Variants in RAB6A observed in about 807,000 individuals in gnomAD.
RAB6A encodes ras-related protein Rab-6A.
RAB6A carries 8 observed loss-of-function variants against 32.3 expected under a neutral mutation model. The ratio of observed to expected loss-of-function variants is 0.25; its 90% CI spans 0.15 to 0.45. RAB6A has a LOEUF of 0.45. RAB6A is among the 20% of genes least tolerant of loss of function. The pLI is 1.00. For missense variants in RAB6A, 104 were observed against 249.4 expected, an observed-to-expected ratio of 0.42 and a Z score of 3.93; for synonymous variants, 73 against 82.1, an observed-to-expected ratio of 0.89 and a Z score of 0.60.
chr11:73,753,845 C>G (rs943548476), intron 1 of RAB6A, among the ~76,000 whole-genome samples: 2 of 152,196 alleles, frequency 1.3e-5, no homozygotes, highest in Non-Finnish European at 2.9e-5. Context: ...TGGCACTCAT[C>G]ATGCTATATT....
intron 6 of RAB6A, among the ~76,000 whole-genome samples, chr11:73,680,989 A>AT (rs1204446192): frequency 6.6e-6 from 1 of 152,218 alleles, no homozygotes; most frequent in East Asian, 1.9e-4. Flanking sequence ...AATCTTAGGC[A>AT]TACACCCACT....
intron 6 of RAB6A, among the ~76,000 whole-genome samples, chr11:73,685,212 T>G (rs1052477625): frequency 1.3e-5 from 2 of 152,108 alleles, no homozygotes; most frequent in Admixed American, 6.6e-5. Flanking sequence ...TATACTTGCC[T>G]GATTAGATTA....
At chr11:73,699,076 C>T (rs1945701089) in intron 6 of RAB6A, among the ~76,000 whole-genome samples, 1 of 152,088 alleles carries the variant, frequency 6.6e-6, no homozygotes, top group African/African-American at 2.4e-5. Context: ...TGGTCTCGAA[C>T]TCCTGACCTC....
chr11:73,692,788 C>CAAAAAAAAAAA (rs140762210), intron 6 of RAB6A, among the ~76,000 whole-genome samples: 78 of 97,958 alleles, frequency 8.0e-4, no homozygotes, highest in Non-Finnish European at 1.0e-3. Context: ...ACTAAAAATA[C>CAAAAAAAAAAA]AAAAAAAAAA....
chr11:73,701,715 G>A (rs1945748871), intron 6 of RAB6A, among the ~76,000 whole-genome samples: 1 of 152,106 alleles, frequency 6.6e-6, no homozygotes, highest in Admixed American at 6.6e-5. Flanking sequence ...GTGCAGTGGT[G>A]TGATCTCAGC....
At chr11:73,728,981 T>A (rs1218820377) in intron 2 of RAB6A, among the ~76,000 whole-genome samples, 1 of 152,192 alleles carries the variant, frequency 6.6e-6, no homozygotes, top group East Asian at 1.9e-4. Flanking sequence ...ATATTCCGAT[T>A]TTCTATTTCT....
chr11:73,707,546 A>G (rs764218685), intron 5 of RAB6A, 33 bp from the exon 6 acceptor site: 1 of 1,442,440 alleles, frequency 6.9e-7, no homozygotes, highest in South Asian at 1.1e-5. Context: ...CTTACTTTTG[A>G]GACATGAGGC....
At chr11:73,696,558 T>C (rs4944029) in intron 6 of RAB6A, among the ~76,000 whole-genome samples, 15,785 of 152,114 alleles carry the variant, frequency 0.1, 897 homozygotes, top group South Asian at 0.27. Flanking sequence ...GAAAGATTAT[T>C]TTATTACTTG....
At chr11:73,681,153 C>T (rs139048373) in intron 6 of RAB6A, among the ~76,000 whole-genome samples, 1 of 152,290 alleles carries the variant, frequency 6.6e-6, no homozygotes, top group East Asian at 1.9e-4. Flanking sequence ...CAGCCTCATT[C>T]TGTGTCTTTG....
intron 1 of RAB6A, among the ~76,000 whole-genome samples, chr11:73,757,129 ATTTTTTTT>A (rs869261713): frequency 3.3e-5 from 1 of 30,350 alleles, no homozygotes; most frequent in African/African-American, 1.9e-4. Context: ...ATATATATAT[ATTTTTTTT>A]TTTTTTTTTT....
intron 1 of RAB6A, among the ~76,000 whole-genome samples, chr11:73,731,261 C>A (rs1341104237): frequency 1.3e-5 from 2 of 152,178 alleles, no homozygotes; most frequent in South Asian, 4.1e-4. Flanking sequence ...GTGAGAAAAA[C>A]TGGCCAGGTG....
At chr11:73,682,554 T>C (rs1945377483) in intron 6 of RAB6A, among the ~76,000 whole-genome samples, 1 of 152,058 alleles carries the variant, frequency 6.6e-6, no homozygotes, top group Admixed American at 6.5e-5. Flanking sequence ...TCCCAGCAAC[T>C]AGGGAAGCTG....
At chr11:73,738,260 G>A (rs1365771425) in intron 1 of RAB6A, among the ~76,000 whole-genome samples, 3 of 151,902 alleles carry the variant, frequency 2.0e-5, no homozygotes, top group African/African-American at 7.3e-5. Flanking sequence ...CTCCCACCAC[G>A]GCCTCCCAAA....
At chr11:73,684,743 G>A (rs552253933) in intron 6 of RAB6A, among the ~76,000 whole-genome samples, 47 of 150,494 alleles carry the variant, frequency 3.1e-4, no homozygotes, top group African/African-American at 1.1e-3. Flanking sequence ...AAAAGAAGTG[G>A]CAAAGATTTC....
intron 2 of RAB6A, among the ~76,000 whole-genome samples, chr11:73,722,058 T>TATATATATATATATA (rs1270436615): frequency 1.4e-4 from 21 of 147,762 alleles, no homozygotes; most frequent in Admixed American, 2.8e-4. Flanking sequence ...TCTGCCATGA[T>TATATATATATATATA]TGTAAGTTTC....
intron 6 of RAB6A, among the ~76,000 whole-genome samples, chr11:73,682,194 G>A (rs1201481101): frequency 2.0e-5 from 3 of 152,066 alleles, no homozygotes; most frequent in African/African-American, 7.2e-5. Flanking sequence ...GTGGCGACAC[G>A]AGCTTGTAAT....
At chr11:73,720,419 T>C (rs1433804167) in intron 3 of RAB6A, among the ~76,000 whole-genome samples, 1 of 151,986 alleles carries the variant, frequency 6.6e-6, no homozygotes, top group Admixed American at 6.6e-5. Flanking sequence ...TGACCTCAGA[T>C]GATCCACCTG....
chr11:73,714,209 A>AAATATATATATATAT (rs35864471), intron 5 of RAB6A, among the ~76,000 whole-genome samples: 3 of 57,570 alleles, frequency 5.2e-5, no homozygotes, highest in South Asian at 1.3e-3. Flanking sequence ...AAAAAAAAAA[A>AAATATATATATATAT]ATATATATAT....
intron 6 of RAB6A, among the ~76,000 whole-genome samples, chr11:73,681,489 TAA>T (rs1430291500): frequency 6.6e-6 from 1 of 152,188 alleles, no homozygotes; most frequent in African/African-American, 2.4e-5. Context: ...AGGACAGAGA[TAA>T]GAGACTGGAA....
Sources: allele counts gnomAD v4.1 joint callset (sites outside exome capture counted in the v4.1 genomes callset), GRCh38; gene constraint gnomAD v4.1.1; transcripts MANE v1.5; gene names NCBI Gene and HGNC (gene_info 2026-07-23, HGNC 2026-07-21).